Variants in ITPR2 observed in about 807,000 individuals in gnomAD.
ITPR2 encodes the protein inositol 1,4,5-trisphosphate-gated calcium channel ITPR2.
Under a neutral mutation model 317.1 loss-of-function variants are expected in ITPR2, and 207 were observed. The ratio of observed to expected loss-of-function variants is 0.65; its 90% CI spans 0.58 to 0.73. ITPR2 has a LOEUF of 0.73. Among genes scored for constraint, ITPR2 ranks in the 30% least tolerant of loss-of-function variants. The pLI, the probability that ITPR2 is intolerant of heterozygous loss-of-function variation, is 0.00. For missense variants in ITPR2, 2,613 were observed against 3,284.0 expected, an observed-to-expected ratio of 0.80 and a Z score of 4.99; for synonymous variants, 1,156 against 1,149.1, an observed-to-expected ratio of 1.01 and a Z score of -0.12.
intron 55 of ITPR2, among the ~76,000 whole-genome samples, chr12:26,387,211 A>G (rs1010691278): frequency 6.6e-6 from 1 of 152,192 alleles, no homozygotes; most frequent in Admixed American, 6.5e-5. Context: ...AGGAAATATC[A>G]TCTGTGCACT....
intron 45 of ITPR2, among the ~76,000 whole-genome samples, chr12:26,466,044 T>C (rs934759539): frequency 1.3e-5 from 2 of 152,218 alleles, no homozygotes; most frequent in Admixed American, 6.5e-5. Flanking sequence ...ACAAAAGTTT[T>C]TTTTCAACTA....
chr12:26,472,864 T>C (rs1257109235), intron 45 of ITPR2, among the ~76,000 whole-genome samples: 1 of 152,084 alleles, frequency 6.6e-6, no homozygotes, highest in Non-Finnish European at 1.5e-5. Context: ...TATTCTGTAC[T>C]CTGTTTTTTT....
At chr12:26,475,586 C>G (rs1010249481) in intron 44 of ITPR2, among the ~76,000 whole-genome samples, 168 bp from the exon 45 acceptor site, 1 of 152,178 alleles carries the variant, frequency 6.6e-6, no homozygotes, top group Non-Finnish European at 1.5e-5. Context: ...ATGGAAGTAT[C>G]TTCCTACAAT....
intron 2 of ITPR2, among the ~76,000 whole-genome samples, chr12:26,780,287 T>C (rs779257266): frequency 4.3e-4 from 66 of 152,190 alleles, no homozygotes; most frequent in Non-Finnish European, 7.5e-4. Flanking sequence ...TTGATTATAC[T>C]GGAACTCTTT....
rs753610297 is a variant in ITPR2 at position 26,494,243 on chromosome 12, A to T, written c.5280T>A (p.Asp1760Glu). The T allele has an allele frequency of 1.2e-6, 2 of 1,613,874 alleles. No homozygotes were observed. ...DKEGASELVI[D>E]VIVNTKNDRI... ...TGTCATTTTTGGTGTTCACTATAAC[A>T]TCGATGACAAGTTCTGATGCACCTT... is the stretch of plus-strand genomic sequence containing the variant. The change falls in exon 39 of 57, where the codon GAT (aspartate) becomes GAA (glutamate). Residue 1760 changes from aspartate (D) to glutamate (E), a missense_variant. Around this residue, in one of 9 missense-constraint regions of ITPR2, gnomAD observed 926 missense variants for 1,072.8 expected, o/e 0.86. Coordinates refer to ENST00000381340, the MANE Select transcript of ITPR2 (RefSeq NM_002223.4).
chr12:26,725,623 C>G (rs780070146), intron 3 of ITPR2, 27 bp downstream of exon 3: 1 of 1,494,392 alleles, frequency 6.7e-7, no homozygotes, highest in South Asian at 1.1e-5. Flanking sequence ...TTAGCCTAAG[C>G]CAGACAATTG....
intron 21 of ITPR2, among the ~76,000 whole-genome samples, chr12:26,643,899 C>A (rs1049740562): frequency 6.6e-6 from 1 of 152,126 alleles, no homozygotes; most frequent in Admixed American, 6.5e-5. Context: ...AAATCCTCAG[C>A]CTATCCATAT....
At chr12:26,497,126 C>T (rs190079104) in intron 37 of ITPR2, among the ~76,000 whole-genome samples, 2 of 149,480 alleles carry the variant, frequency 1.3e-5, no homozygotes, top group African/African-American at 4.9e-5. Context: ...ATATTTTAAC[C>T]AAATTGAACC....
At chr12:26,443,416 A>G (rs1941534657) in intron 46 of ITPR2, 127 bp downstream of exon 46, 9 of 590,266 alleles carry the variant, frequency 1.5e-5, no homozygotes, top group Non-Finnish European at 2.6e-5. Flanking sequence ...CTTTTACTAT[A>G]CATTTTTCAG....
In ITPR2 at chr12:26,337,246, A is replaced by G. The variant is rs1005671482; in HGVS notation, c.*2151T>C. ...ACAAAATGAACTATTATGGTGTCAG[A>G]AAAGGCTAGATACTTTATCATCTGA... On this transcript the variant is annotated 3_prime_UTR_variant, in exon 57 of 57. Coordinates refer to ENST00000381340, the MANE Select transcript of ITPR2 (RefSeq NM_002223.4). 6.6e-6 allele frequency: 1 copy of G among 152,190 alleles called. No individual in the cohort carries two copies. Among genetic ancestry groups the G allele is most frequent in the East Asian group, 1.9e-4 (1 of 5,196 alleles). 9.4% of individuals were successfully genotyped at this position (152,190 alleles called of 1,614,324 possible). A position where few individuals can be genotyped will look rare whatever the true frequency, so the allele number is the denominator to read the frequency against.
chr12:26,436,214 C>A lies in ITPR2; in HGVS notation c.6769+7G>T. 6.3e-7 allele frequency: 1 copy of A among 1,575,238 alleles called. No homozygotes were observed. On this transcript the variant is annotated splice_region_variant and intron_variant, in intron 48 of 56. Coordinates refer to ENST00000381340, the MANE Select transcript of ITPR2 (RefSeq NM_002223.4). Reference sequence around the variant, plus strand: ...TATTTATATTTTAAGGAAAAACGAGCACTTGCCTTCATCTCCATCATCCCC... The same window carrying A: ...TATTTATATTTTAAGGAAAAACGAGAACTTGCCTTCATCTCCATCATCCCC...
chr12:26,597,280 G>A (rs867202182), intron 30 of ITPR2, 146 bp from the exon 31 acceptor site: 3 of 937,332 alleles, frequency 3.2e-6, no homozygotes, highest in Admixed American at 2.0e-5. Flanking sequence ...CTTGGGGAGG[G>A]TGGTGACAAG....
At chr12:26,719,804 CAA>C (rs1948803742) in intron 5 of ITPR2, among the ~76,000 whole-genome samples, 2 of 152,092 alleles carry the variant, frequency 1.3e-5, no homozygotes, top group African/African-American at 4.8e-5. Context: ...TTCTAAAACG[CAA>C]AGTCTACTTG....
chr12:26,348,109 G>A (rs1479751427), intron 55 of ITPR2, among the ~76,000 whole-genome samples: 5 of 152,148 alleles, frequency 3.3e-5, no homozygotes, highest in Non-Finnish European at 7.3e-5. Context: ...CTAGGCTGAG[G>A]AGCATTAAGC....
chr12:26,371,508 A>G (rs1939188715), intron 55 of ITPR2, among the ~76,000 whole-genome samples: 1 of 152,242 alleles, frequency 6.6e-6, no homozygotes, highest in Admixed American at 6.5e-5. Flanking sequence ...AGATAGTGGT[A>G]AACGCTTTGG....
intron 45 of ITPR2, among the ~76,000 whole-genome samples, chr12:26,468,568 G>GAAA (rs5797177): frequency 1.4e-4 from 19 of 139,894 alleles, no homozygotes; most frequent in African/African-American, 3.7e-4. Context: ...TATAGAAACA[G>GAAA]AAAAAAAAAA....
intron 1 of ITPR2, among the ~76,000 whole-genome samples, chr12:26,792,424 C>G (rs1950357309): frequency 6.6e-6 from 1 of 151,642 alleles, no homozygotes; most frequent in Non-Finnish European, 1.5e-5. Flanking sequence ...AATCCTGGAA[C>G]AACTTCTACA....
At chr12:26,715,628 G>T in intron 7 of ITPR2, 124 bp downstream of exon 7, 1 of 757,236 alleles carries the variant, frequency 1.3e-6, no homozygotes. Flanking sequence ...CTTAGAGTAA[G>T]TATTAACATG....
chr12:26,581,236 T>C (rs148165483), intron 32 of ITPR2, among the ~76,000 whole-genome samples: 1 of 152,320 alleles, frequency 6.6e-6, no homozygotes, highest in East Asian at 1.9e-4. Context: ...ATTTTCCTTC[T>C]CAAACCATGT....
Sources: allele counts gnomAD v4.1 joint callset (sites outside exome capture counted in the v4.1 genomes callset), GRCh38; gene constraint gnomAD v4.1.1; regional missense constraint gnomAD v4.1.1; transcripts MANE v1.5; gene names NCBI Gene and HGNC (gene_info 2026-07-23, HGNC 2026-07-21).